Variants in NTNG1 observed in about 807,000 individuals in gnomAD.
The protein encoded by NTNG1 is netrin-G1.
A neutral mutation model predicts 54.0 loss-of-function variants in NTNG1; 16 were observed. The ratio of observed to expected loss-of-function variants is 0.30; its 90% CI spans 0.20 to 0.45. The LOEUF (loss-of-function observed/expected upper bound fraction) is 0.45. Among genes scored for constraint, NTNG1 ranks in the 20% least tolerant of loss-of-function variants. The pLI, the probability that NTNG1 is intolerant of heterozygous loss-of-function variation, is 1.00. For missense variants in NTNG1, 530 were observed against 678.7 expected, an observed-to-expected ratio of 0.78 and a Z score of 2.43; for synonymous variants, 255 against 263.1, an observed-to-expected ratio of 0.97 and a Z score of 0.30.
chr1:107,206,130 C>G (rs774235118), intron 2 of NTNG1, among the ~76,000 whole-genome samples: 2 of 151,944 alleles, frequency 1.3e-5, no homozygotes, highest in Non-Finnish European at 2.9e-5. Context: ...TTGGAGAAGT[C>G]TAATTGCTGG....
chr1:107,368,861 A>G (rs1478978746), intron 3 of NTNG1, among the ~76,000 whole-genome samples: 1 of 152,206 alleles, frequency 6.6e-6, no homozygotes, highest in Non-Finnish European at 1.5e-5. Context: ...TAAACTGCAC[A>G]TATTTGAAAT....
At chr1:107,224,625 C>T (rs956872178) in intron 2 of NTNG1, among the ~76,000 whole-genome samples, 10 of 152,044 alleles carry the variant, frequency 6.6e-5, no homozygotes, top group African/African-American at 9.7e-5. Context: ...GTCCCTAGAG[C>T]GTTTACTAAA....
chr1:107,167,112 T>C (rs756800505), intron 2 of NTNG1, among the ~76,000 whole-genome samples: 4 of 152,110 alleles, frequency 2.6e-5, no homozygotes, highest in East Asian at 1.9e-4. Context: ...CAGTGGTATA[T>C]TGGACTGTTG....
chr1:107,351,308 C>A (rs1669583995), intron 3 of NTNG1, among the ~76,000 whole-genome samples: 1 of 152,090 alleles, frequency 6.6e-6, no homozygotes, highest in Admixed American at 6.5e-5. Flanking sequence ...TAAAGAAATA[C>A]CTGAAACTGG....
chr1:107,425,169 A>T (rs1322001255), intron 5 of NTNG1, among the ~76,000 whole-genome samples: 4 of 147,646 alleles, frequency 2.7e-5, no homozygotes, highest in Non-Finnish European at 6.0e-5. Flanking sequence ...ATGAGCATGA[A>T]GAGATGAAAA....
intron 3 of NTNG1, among the ~76,000 whole-genome samples, chr1:107,348,250 T>A (rs1021402938): frequency 9.9e-5 from 15 of 152,042 alleles, no homozygotes; most frequent in Non-Finnish European, 4.4e-5. Context: ...CTCAACCTCC[T>A]GAGTAGCTGG....
chr1:107,267,748 A>G (rs1377168929), intron 2 of NTNG1, among the ~76,000 whole-genome samples: 1 of 152,192 alleles, frequency 6.6e-6, no homozygotes, highest in Non-Finnish European at 1.5e-5. Context: ...TTGAGCACAC[A>G]GCAAGCACAC....
chr1:107,473,139 T>C (rs1036367915), intron 7 of NTNG1, among the ~76,000 whole-genome samples: 2 of 152,190 alleles, frequency 1.3e-5, no homozygotes, highest in African/African-American at 2.4e-5. Context: ...ACTTTATTAA[T>C]ACAACCATCA....
chr1:107,329,492 G>C (rs1160782981), intron 3 of NTNG1, among the ~76,000 whole-genome samples: 7 of 152,132 alleles, frequency 4.6e-5, no homozygotes, highest in Non-Finnish European at 1.0e-4. Flanking sequence ...AAGAACACTT[G>C]GGGAAATTCA....
chr1:107,274,928 C>T (rs12133394), intron 2 of NTNG1, among the ~76,000 whole-genome samples: 23,323 of 152,178 alleles, frequency 0.15, 2,369 homozygotes, highest in African/African-American at 0.29. Context: ...TTCTCCAATT[C>T]TGGAATAGAT....
At chr1:107,408,753 G>T (rs1431571893) in intron 5 of NTNG1, 1 of 151,930 alleles carries the variant, frequency 6.6e-6, no homozygotes, top group African/African-American at 2.4e-5. Flanking sequence ...AATTTTCACT[G>T]TAGTGTCATC....
chr1:107,386,089 ATGTATG>A (rs1671954060), intron 3 of NTNG1, among the ~76,000 whole-genome samples: 1 of 146,612 alleles, frequency 6.8e-6, no homozygotes, highest in Non-Finnish European at 1.5e-5. Flanking sequence ...ATATACTTAT[ATGTATG>A]TATATATATA....
intron 2 of NTNG1, among the ~76,000 whole-genome samples, chr1:107,170,115 A>G (rs1198954571): frequency 6.6e-6 from 1 of 152,156 alleles, no homozygotes; most frequent in African/African-American, 2.4e-5. Flanking sequence ...CACCTGGATT[A>G]ATGTTTGGCA....
intron 7 of NTNG1, among the ~76,000 whole-genome samples, chr1:107,477,934 T>C (rs1678434190): frequency 6.6e-6 from 1 of 152,214 alleles, no homozygotes; most frequent in African/African-American, 2.4e-5. Flanking sequence ...AGATATTTTA[T>C]CATCCCAGCC....
chr1:107,383,013 G>A (rs915259578), intron 3 of NTNG1, among the ~76,000 whole-genome samples: 2 of 152,130 alleles, frequency 1.3e-5, no homozygotes, highest in Non-Finnish European at 2.9e-5. Context: ...GAATTTTGTA[G>A]TAAAAACTAA....
intron 2 of NTNG1, among the ~76,000 whole-genome samples, chr1:107,149,122 G>C (rs915901183): frequency 6.6e-6 from 1 of 152,112 alleles, no homozygotes; most frequent in Non-Finnish European, 1.5e-5. Context: ...AAAAGAAAAA[G>C]TTCGATTGAA....
intron 2 of NTNG1, among the ~76,000 whole-genome samples, chr1:107,239,594 C>T (rs909454413): frequency 1.3e-5 from 2 of 152,086 alleles, no homozygotes; most frequent in Non-Finnish European, 2.9e-5. Flanking sequence ...ATAATTCGAC[C>T]AAAATCCAAA....
intron 5 of NTNG1, among the ~76,000 whole-genome samples, chr1:107,428,530 G>A (rs1675044319): frequency 6.6e-6 from 1 of 151,994 alleles, no homozygotes; most frequent in African/African-American, 2.4e-5. Context: ...AACCAACCCG[G>A]GTTAGGGAAC....
In NTNG1 at chr1:107,388,938, C is replaced by T. The variant is rs140230469; in HGVS notation, c.888-6216C>T. ...ACAAGCTCCAATATTTGTGCTAACA[C>T]GTTCTCTAAAAGCATTTGTATAGCT... On this transcript the variant is annotated intron_variant, in intron 3 of 7. Coordinates refer to ENST00000370068, the MANE Select transcript of NTNG1 (RefSeq NM_001113226.3). 5.3e-3 allele frequency among the ~76,000 whole-genome samples: 792 copies of T among 150,608 alleles called. 8 individuals are homozygous for T. The highest frequency in any genetic ancestry group is 0.018 in the African/African-American group (749 of 41,282).
Sources: gnomAD v4.1 joint callset for allele counts (sites outside exome capture counted in the v4.1 genomes callset) on GRCh38, gnomAD v4.1.1 for gene constraint, MANE v1.5 for transcripts, NCBI Gene and HGNC (gene_info 2026-07-23, HGNC 2026-07-21) for gene names.